ACTN3: variants seen among roughly 807,000 people sequenced by gnomAD.
ACTN3 encodes the protein actinin alpha 3.
Under a neutral mutation model 119.6 loss-of-function variants are expected in ACTN3, and 91 were observed. The observed-to-expected ratio is 0.76, with a 90% CI of 0.64 to 0.91. The LOEUF is 0.91. ACTN3 is among the 40% of genes least tolerant of loss of function. The pLI, the probability that ACTN3 is intolerant of heterozygous loss-of-function variation, is 0.00. For missense variants in ACTN3, 1,221 were observed against 1,215.1 expected (o/e 1.00, Z -0.07); for synonymous variants, 456 against 478.8 (o/e 0.95, Z 0.62).
At chr11:66,551,794 A>T in intron 3 of ACTN3, 147 bp downstream of exon 3, 1 of 1,223,288 alleles carries the variant, frequency 8.2e-7, no homozygotes, top group Non-Finnish European at 1.1e-6. Context: ...CCAGTATGCC[A>T]GCCAGGCACG....
chr11:66,559,410 GC>G, intron 12 of ACTN3, 24 bp downstream of exon 12: 3 of 1,457,880 alleles, frequency 2.1e-6, no homozygotes, highest in Non-Finnish European at 2.7e-6. Flanking sequence ...CGCGGGGCCC[GC>G]CCCCAACACC....
At chr11:66,557,380 C>T (rs1857613311) in intron 9 of ACTN3, 155 bp downstream of exon 9, 1 of 220,998 alleles carries the variant, frequency 4.5e-6, no homozygotes, top group African/African-American at 2.3e-5. Context: ...CCATCACCTG[C>T]CCTTCTGCCA....
chr11:66,554,370 A>C (rs1313819293), intron 4 of ACTN3, 166 bp from the exon 5 acceptor site: 1 of 195,650 alleles, frequency 5.1e-6, no homozygotes, highest in East Asian at 1.9e-4. Flanking sequence ...AGGTAGGAGG[A>C]TCGCTTGAGC....
In ACTN3 at chr11:66,560,260, C is replaced by T. The variant is rs766170328; in HGVS notation, c.1626C>T (p.Ala542=). 1.2e-5 allele frequency: 19 copies of T among 1,613,144 alleles called. No individual in the cohort carries two copies. The highest frequency in any genetic ancestry group is 8.3e-5 in the Admixed American group (5 of 59,932). Residue 542 remains alanine (A), a synonymous_variant, in exon 14 of 21, where the codon GCC becomes GCT. Coordinates refer to ENST00000513398, the MANE Select transcript of ACTN3 (RefSeq NM_001104.4). ...AAPFNNWLDG[A]VEDLQDVWLV... ...CCTTCAACAACTGGCTGGATGGTGC[C>T]GTGGAGGACCTGCAGGACGTGTGGC...
rs1257828880 is a variant in ACTN3, at chr11:66,555,366, A to C, written c.717A>C (p.Glu239Asp). ...ACATCCCCAAGATGTTGGATGCAGA[A>C]GGTGAGAGTGAGCTAGCCCAGGGGA... ...YLDIPKMLDAEDIVNTPKPDE... is the reference protein window; with the variant it reads ...YLDIPKMLDADDIVNTPKPDE... Residue 239 changes from glutamate to aspartate, a missense_variant and splice_region_variant, in exon 7 of 21, where the codon GAA becomes GAC. Coordinates refer to ENST00000513398, the MANE Select transcript of ACTN3 (RefSeq NM_001104.4). 4 of 1,613,982 alleles carry C rather than the reference A, an allele frequency of 2.5e-6. No individual in the cohort carries two copies. The highest frequency in any genetic ancestry group is 1.1e-5 in the South Asian group (1 of 91,090).
Position 66,561,332 on chromosome 11 carries a change from A to G in ACTN3, c.1966A>G (p.Ile656Val), listed in dbSNP as rs201682133. The change falls in exon 16 of 21, where the codon ATT (isoleucine) becomes GTT (valine). Residue 656 changes from isoleucine (I) to valine (V), a missense_variant. Around this residue, in one of 3 missense-constraint regions of ACTN3, gnomAD observed 934 missense variants for 899.9 expected, o/e 1.04. Transcript: ENST00000513398. ...RRQFAAQANA[I>V]GPWIQAKVEE... ...ACAGTTTGCGGCCCAGGCCAATGCC[A>G]TTGGACCCTGGATCCAGGCGAAGGT... 2.5e-4 allele frequency: 395 copies of G among 1,611,876 alleles called. 2 individuals are homozygous for G. Among genetic ancestry groups the G allele is most frequent in the South Asian group, 1.1e-3 (98 of 90,716 alleles).
chr11:66,556,260 C>A (rs1857587980), intron 8 of ACTN3, 30 bp downstream of exon 8: 2 of 1,607,330 alleles, frequency 1.2e-6, no homozygotes, highest in Non-Finnish European at 1.7e-6. Context: ...GCTGCCTGGG[C>A]TTGTGGACCC....
rs756395726 is a variant in ACTN3 at position 66,551,299 on chromosome 11, G to A, written c.208G>A (p.Glu70Lys). Residue 70 changes from glutamate (E) to lysine (K), a missense_variant, in exon 2 of 21, where the codon GAG becomes AAG. This residue lies in a region of ACTN3 where 239 missense variants were observed against 231.8 expected (regional missense o/e 1.03). Transcript: ENST00000513398. The stretch of plus-strand genomic sequence containing the variant: ...GGCAGGCACCCAGATCGAGAACATC[G>A]AGGAAGATTTCCGCAATGGCCTCAA... The part of the protein sequence containing the change: ...RKAGTQIENI[E>K]EDFRNGLKLM... 31 of 1,612,350 alleles carry A rather than the reference G, an allele frequency of 1.9e-5. No individual in the cohort carries two copies. Among genetic ancestry groups the A allele is most frequent in the South Asian group, 9.9e-5 (9 of 90,636 alleles).
intron 3 of ACTN3, among the ~76,000 whole-genome samples, chr11:66,553,332 T>C (rs1233373906): frequency 6.6e-6 from 1 of 150,908 alleles, no homozygotes; most frequent in African/African-American, 2.4e-5. Flanking sequence ...GGTGGGCAGA[T>C]CATTTGAGGT....
Position 66,562,121 on chromosome 11 carries a change from C to A in ACTN3, c.2275C>A (p.Gln759Lys). The change falls in exon 18 of 21, where the codon CAG becomes AAG. Residue 759 changes from glutamine to lysine, a missense_variant. Gln to Lys is a moderately conservative substitution (Grantham distance 53). Transcript: ENST00000513398. ...GACCCGAGACGCCAAGGGACTGAGC[C>A]AGGAGCAGCTCAACGAGTTCCGAGC... ...VLTRDAKGLSQEQLNEFRASF... is the reference protein window; with the variant it reads ...VLTRDAKGLSKEQLNEFRASF... 6.2e-7 allele frequency: 1 copy of A among 1,614,084 alleles called. No individual in the cohort carries two copies. The highest frequency in any genetic ancestry group is 1.1e-5 in the South Asian group (1 of 91,082).
rs1257436279 is a variant in ACTN3 at position 66,555,154 on chromosome 11, T to C, written c.582T>C (p.Cys194=). ...HTSWKDGLAL[C]ALIHRHRPDL... ...GCTGGAAGGATGGCCTGGCCCTCTG[T>C]GCCCTCATCCACCGACACCGCCCTG... The change falls in exon 6 of 21, where the codon TGT becomes TGC. Residue 194 remains cysteine, a synonymous_variant. Transcript: ENST00000513398. 6 of 1,614,002 alleles carry C rather than the reference T, an allele frequency of 3.7e-6. No homozygotes were observed. The South Asian group carries it at 6.6e-5, about 18-fold the overall frequency.
rs768253449 is a variant in ACTN3 at position 66,560,134 on chromosome 11, G to C, written c.1537-37G>C. 7 of 1,563,176 alleles carry C rather than the reference G, an allele frequency of 4.5e-6. No homozygotes were observed. The Admixed American group carries it at 1.1e-4, about 26-fold the overall frequency. On this transcript the variant is annotated intron_variant, in intron 13 of 20. Transcript: ENST00000513398. ...GTAGGTGGGTGAGGCCAGGTCTGCA[G>C]GGCAGGCTTCTGACCCACTACGCCT...
At position 66,547,041 on chromosome 11, in the gene ACTN3, G is replaced by C; in HGVS notation, c.104G>C (p.Arg35Pro). The change falls in exon 1 of 21, where the codon CGC becomes CCC. Residue 35 changes from arginine to proline, a missense_variant. Arg to Pro is a moderately radical substitution (Grantham distance 103, BLOSUM62 -2). This residue lies in a region of ACTN3 where 239 missense variants were observed against 231.8 expected (regional missense o/e 1.03). Coordinates refer to ENST00000513398, the MANE Select transcript of ACTN3 (RefSeq NM_001104.4). ...EYMEQEEDWDRDLLLDPAWEK... is the reference protein window; with the variant it reads ...EYMEQEEDWDPDLLLDPAWEK... ...ATGGAACAGGAGGAGGACTGGGACC[G>C]CGACCTGCTGCTGGACCCGGCCTGG... The C allele has an allele frequency of 1.3e-5, 20 of 1,511,780 alleles. No homozygotes were observed. The highest frequency in any genetic ancestry group is 1.8e-5 in the Non-Finnish European group (20 of 1,131,720). The allele number at this position is 1,511,780 out of a possible 1,614,324, so 93.6% of individuals were successfully genotyped here.
upstream of ACTN3, chr11:66,546,813 T>A: frequency 6.5e-7 from 1 of 1,529,372 alleles, no homozygotes; most frequent in Non-Finnish European, 8.7e-7. Context: ...TTCACCCCCA[T>A]CCGGCCCCTC....
Position 66,551,581 on chromosome 11 carries a change from A to G in ACTN3, c.316A>G (p.Asn106Asp), listed in dbSNP as rs766530255. 4 of 1,614,150 alleles carry G rather than the reference A, an allele frequency of 2.5e-6. No homozygotes were observed. The South Asian group carries it at 3.3e-5, about 13-fold the overall frequency. The change falls in exon 3 of 21, where the codon AAC (asparagine) becomes GAC (aspartate). Residue 106 changes from asparagine (N) to aspartate (D), a missense_variant. Around this residue, in one of 3 missense-constraint regions of ACTN3, gnomAD observed 239 missense variants for 231.8 expected, o/e 1.03. Transcript: ENST00000513398. ...CAAGATGCGCTTCCACAAAATCGCC[A>G]ACGTTAACAAGGCCCTGGACTTCAT... ...KGKMRFHKIANVNKALDFIAS... is the reference protein window; with the variant it reads ...KGKMRFHKIADVNKALDFIAS...
chr11:66,559,015 G>A, intron 11 of ACTN3: 1 of 410,926 alleles, frequency 2.4e-6, no homozygotes, highest in Non-Finnish European at 4.2e-6. Context: ...GGGCCCCCTG[G>A]ACGTAGCTCG....
Position 66,558,184 on chromosome 11 carries a change from C to T in ACTN3, c.1276+10C>T. 1.9e-6 allele frequency: 3 copies of T among 1,611,870 alleles called. No homozygotes were observed. Among genetic ancestry groups the T allele is most frequent in the Non-Finnish European group, 2.5e-6 (3 of 1,179,834 alleles). ...GAAGCCTGGACCCGGGGTAGGTAGA[C>T]CTACCTCATGGGGCTGGACTGTCTC... On this transcript the variant is annotated intron_variant, in intron 11 of 20. Coordinates refer to ENST00000513398, the MANE Select transcript of ACTN3 (RefSeq NM_001104.4).
In ACTN3 at chr11:66,555,282, C is replaced by T; in HGVS notation, c.637-4C>T. 1 of 1,613,738 alleles carries T rather than the reference C, an allele frequency of 6.2e-7. No individual in the cohort carries two copies. Among genetic ancestry groups the T allele is most frequent in the Non-Finnish European group, 8.5e-7 (1 of 1,179,762 alleles). ...TTTCACCCTCCTCCCTTACACCCTT[C>T]TAGGATGACCCCATCGGAAACCTGA... On this transcript the variant is annotated splice_polypyrimidine_tract_variant and splice_region_variant and intron_variant, in intron 6 of 20. Coordinates refer to ENST00000513398, the MANE Select transcript of ACTN3 (RefSeq NM_001104.4).
At chr11:66,555,474 A>AC (rs1369919010) in intron 7 of ACTN3, 107 bp downstream of exon 7, 3 of 1,075,820 alleles carry the variant, frequency 2.8e-6, no homozygotes, top group East Asian at 2.4e-5. Context: ...TGCTCCGACC[A>AC]CCCCCACCCC....
Sources: gnomAD v4.1 joint callset for allele counts (sites outside exome capture counted in the v4.1 genomes callset) on GRCh38, gnomAD v4.1.1 for gene constraint, gnomAD v4.1.1 regional missense constraint, MANE v1.5 for transcripts, NCBI Gene and HGNC (gene_info 2026-07-23, HGNC 2026-07-21) for gene names.